KCNT2: variants seen among roughly 807,000 people sequenced by gnomAD.
The protein encoded by KCNT2 is potassium sodium-activated channel subfamily T member 2, also known as potassium channel subfamily T member 2.
A neutral mutation model predicts 153.8 loss-of-function variants in KCNT2; 67 were observed. That is an observed-to-expected ratio of 0.44 (90% confidence interval 0.36 to 0.53). The LOEUF is 0.53. KCNT2 is among the 20% of genes least tolerant of loss of function. KCNT2 has a pLI of 0.00. For synonymous variants in KCNT2, 500 were observed against 458.8 expected (o/e 1.09, Z -1.15); for missense variants, 975 against 1,354.8 (o/e 0.72, Z 4.40).
chr1:196,414,457 GA>G (rs1454578759), intron 12 of KCNT2, among the ~76,000 whole-genome samples: 1 of 151,728 alleles, frequency 6.6e-6, no homozygotes, highest in Non-Finnish European at 1.5e-5. Flanking sequence ...GCTATGGGAA[GA>G]AAAAGAATTT....
At chr1:196,554,849 A>G (rs1558072338) in intron 1 of KCNT2, among the ~76,000 whole-genome samples, 1 of 151,378 alleles carries the variant, frequency 6.6e-6, no homozygotes, top group Admixed American at 6.6e-5. Flanking sequence ...AAATCAATCA[A>G]TGCGATACAT....
Position 196,258,463 on chromosome 1 carries a change from TC to T in KCNT2, c.2941del (p.Glu981LysfsTer41). 6.2e-7 allele frequency: 1 copy of T among 1,610,642 alleles called. No homozygotes were observed. Among genetic ancestry groups the T allele is most frequent in the Non-Finnish European group, 8.5e-7 (1 of 1,177,472 alleles). On this transcript the variant is annotated frameshift_variant, in exon 26 of 28. Transcript: ENST00000294725. LOFTEE classifies it high-confidence loss of function. ...TTGTTCTTTGGAGTCTTTGGTGTCT[TC>T]CCACTCTTCTACACTGATAGATATT... ...SQISISVEEWEDTKDSKEQGH... is the reference protein window; with the variant it reads ...SQISISVEEWXDTKDSKEQGH...
At position 196,398,570 on chromosome 1, in the gene KCNT2, T is replaced by C. The variant is rs12742082; in HGVS notation, c.1287A>G (p.Lys429=). 6.3e-7 allele frequency: 1 copy of C among 1,582,158 alleles called. No homozygotes were observed. The highest frequency in any genetic ancestry group is 8.7e-7 in the Non-Finnish European group (1 of 1,153,682). Residue 429 remains lysine, a synonymous_variant, in exon 13 of 28, where the codon AAA becomes AAG. Coordinates refer to ENST00000294725, the MANE Select transcript of KCNT2 (RefSeq NM_198503.5). ...TGCAAGATAAAAACTTACCAGCAAATTTGATGTGAAATTTATTTTCAGGCT... is the reference window on the plus strand; with the variant it reads ...TGCAAGATAAAAACTTACCAGCAAACTTGATGTGAAATTTATTTTCAGGCT... ...ILKPENKFHI[K]FADHVVCEEE... is the part of the protein sequence containing the mutation.
chr1:196,470,868 C>A (rs930840182), intron 5 of KCNT2, among the ~76,000 whole-genome samples: 5 of 121,150 alleles, frequency 4.1e-5, no homozygotes, highest in African/African-American at 1.2e-4. Context: ...ACCCTAATTT[C>A]TTTCTTTCTT....
intron 8 of KCNT2, among the ~76,000 whole-genome samples, chr1:196,434,238 A>G (rs1000903044): frequency 1.3e-5 from 2 of 152,120 alleles, no homozygotes; most frequent in African/African-American, 4.8e-5. Flanking sequence ...CATATGTTTG[A>G]GAGTGTAAAC....
At chr1:196,323,712 T>C (rs1663560225) in intron 19 of KCNT2, among the ~76,000 whole-genome samples, 1 of 151,964 alleles carries the variant, frequency 6.6e-6, no homozygotes, top group Non-Finnish European at 1.5e-5. Flanking sequence ...ATTTCTGTTA[T>C]ATTGAATTAA....
intron 14 of KCNT2, among the ~76,000 whole-genome samples, chr1:196,361,895 G>A (rs1667654598): frequency 8.2e-6 from 1 of 121,940 alleles, no homozygotes; most frequent in Non-Finnish European, 1.7e-5. Context: ...TTTAAATTGT[G>A]TGTGTGTTTG....
intron 26 of KCNT2, among the ~76,000 whole-genome samples, chr1:196,242,450 G>C (rs1571766495): frequency 6.6e-6 from 1 of 152,024 alleles, no homozygotes; most frequent in South Asian, 2.1e-4. Context: ...TACTACTGAA[G>C]TAATAGTTGA....
Position 196,608,415 on chromosome 1 carries a change from C to G in KCNT2, c.-106G>C, listed in dbSNP as rs41313916. ...GAGAGGACTAACAAGACGCTGTGGC[C>G]GAGAGAGGGATGGGAGAAGGGGAAG... On this transcript the variant is annotated 5_prime_UTR_variant, in exon 1 of 28. Coordinates refer to ENST00000294725, the MANE Select transcript of KCNT2 (RefSeq NM_198503.5). The G allele has an allele frequency of 0.044, 36,013 of 823,384 alleles. 1,129 individuals are homozygous for G. Among genetic ancestry groups the G allele is most frequent in the Non-Finnish European group, 0.053 (26,269 of 492,862 alleles). 51.0% of individuals were successfully genotyped at this position (823,384 alleles called of 1,614,324 possible). A position where few individuals can be genotyped will look rare whatever the true frequency, so the allele number is the denominator to read the frequency against.
At chr1:196,596,798 C>A (rs2149018509) in intron 1 of KCNT2, among the ~76,000 whole-genome samples, 1 of 152,166 alleles carries the variant, frequency 6.6e-6, no homozygotes, top group South Asian at 2.1e-4. Flanking sequence ...ACCTCCCAAG[C>A]TGAAGCGATC....
chr1:196,342,394 C>A, intron 14 of KCNT2, 166 bp from the exon 15 acceptor site: 4 of 304,900 alleles, frequency 1.3e-5, no homozygotes, highest in East Asian at 5.3e-5. Flanking sequence ...ACATTATATG[C>A]AAGAGTTTCT....
chr1:196,412,525 G>T (rs148369302), intron 12 of KCNT2, among the ~76,000 whole-genome samples: 80 of 151,714 alleles, frequency 5.3e-4, no homozygotes, highest in African/African-American at 1.7e-3. Context: ...GATTACATCA[G>T]TTAGCCTCCT....
chr1:196,331,792 T>C (rs1292644369), intron 17 of KCNT2, among the ~76,000 whole-genome samples: 4 of 152,148 alleles, frequency 2.6e-5, no homozygotes, highest in Non-Finnish European at 4.4e-5. Flanking sequence ...AATGCATTAT[T>C]ATGATTTGCT....
chr1:196,285,553 T>C, intron 23 of KCNT2, 104 bp downstream of exon 23: 1 of 601,866 alleles, frequency 1.7e-6, no homozygotes, highest in East Asian at 3.1e-5. Flanking sequence ...GAGCCAATTT[T>C]AAGTTAGTAG....
chr1:196,482,911 A>C (rs1185592545), intron 3 of KCNT2, among the ~76,000 whole-genome samples: 1 of 152,126 alleles, frequency 6.6e-6, no homozygotes, highest in East Asian at 1.9e-4. Context: ...AATCATCTTT[A>C]TTCCCTAAAA....
At chr1:196,399,645 G>T (rs1209634459) in intron 12 of KCNT2, among the ~76,000 whole-genome samples, 2 of 151,820 alleles carry the variant, frequency 1.3e-5, no homozygotes, top group East Asian at 2.0e-4. Context: ...GCAGATAGAA[G>T]AAGTTGTTAT....
At chr1:196,327,965 T>C (rs1041110803) in intron 18 of KCNT2, among the ~76,000 whole-genome samples, 4 of 152,082 alleles carry the variant, frequency 2.6e-5, no homozygotes, top group African/African-American at 9.7e-5. Context: ...GCCATTATTC[T>C]TGAATAAAAA....
intron 2 of KCNT2, among the ~76,000 whole-genome samples, chr1:196,491,821 G>T (rs201587201): frequency 1.3e-5 from 2 of 152,002 alleles, no homozygotes; most frequent in East Asian, 3.9e-4. Context: ...GTGCAACCTA[G>T]ATGTTTCTTA....
At chr1:196,357,799 T>G (rs1253885468) in intron 14 of KCNT2, among the ~76,000 whole-genome samples, 1 of 151,846 alleles carries the variant, frequency 6.6e-6, no homozygotes, top group Non-Finnish European at 1.5e-5. Context: ...GTAACTTTAT[T>G]GCTTTCCCAA....
Sources: allele counts gnomAD v4.1 joint callset (sites outside exome capture counted in the v4.1 genomes callset), GRCh38; gene constraint gnomAD v4.1.1; transcripts MANE v1.5; gene names NCBI Gene and HGNC (gene_info 2026-07-23, HGNC 2026-07-21).